The following DISP1 variants were observed in gnomAD, a reference collection of about 807,000 sequenced individuals.
DISP1 encodes dispatched RND transporter family member 1, also known as protein dispatched homolog 1.
A neutral mutation model predicts 37.3 loss-of-function variants in DISP1; 30 were observed. The ratio of observed to expected loss-of-function variants is 0.80; its 90% confidence interval spans 0.60 to 1.09. The LOEUF (loss-of-function observed/expected upper bound fraction) is 1.09, where lower values mean the gene tolerates loss of function less well. DISP1 is among the 50% of genes least tolerant of loss of function. The probability of loss-of-function intolerance (pLI) is 0.00; values close to 1 mark genes in which losing one functional copy is unlikely to be tolerated. For missense variants in DISP1, 1,598 were observed against 1,879.5 expected, an observed-to-expected ratio of 0.85 and a Z score of 2.77; for synonymous variants, 634 against 690.2, an observed-to-expected ratio of 0.92 and a Z score of 1.28.
chr1:222,918,860 A>G (rs114784763), intron 1 of DISP1, among the ~76,000 whole-genome samples: 2,780 of 152,352 alleles, frequency 0.018, 75 homozygotes, highest in African/African-American at 0.063. Flanking sequence ...CAGCTTGTGG[A>G]GCAGATGCTT....
At chr1:222,869,693 A>G (rs970370347) in intron 1 of DISP1, among the ~76,000 whole-genome samples, 5 of 152,180 alleles carry the variant, frequency 3.3e-5, no homozygotes, top group Admixed American at 2.6e-4. Context: ...TAAGATAATT[A>G]TAAAGAAAAA....
At chr1:222,946,053 T>G (rs1205185768) in intron 3 of DISP1, among the ~76,000 whole-genome samples, 1 of 151,978 alleles carries the variant, frequency 6.6e-6, no homozygotes, top group East Asian at 1.9e-4. Flanking sequence ...TGAAGGAAAT[T>G]TTTTATATTT....
At chr1:222,826,096 G>A (rs962736041) in intron 1 of DISP1, among the ~76,000 whole-genome samples, 4 of 152,056 alleles carry the variant, frequency 2.6e-5, no homozygotes, top group Non-Finnish European at 5.9e-5. Flanking sequence ...AGAGACAGAG[G>A]TCTCGTTTCA....
chr1:222,887,542 A>T (rs1412210831), intron 1 of DISP1, among the ~76,000 whole-genome samples: 4 of 85,324 alleles, frequency 4.7e-5, no homozygotes, highest in Non-Finnish European at 9.2e-5. Context: ...CCCAGGCCGG[A>T]CTGCGGACTG....
At chr1:222,822,523 C>T (rs996301488) in intron 1 of DISP1, among the ~76,000 whole-genome samples, 1 of 152,068 alleles carries the variant, frequency 6.6e-6, no homozygotes, top group Non-Finnish European at 1.5e-5. Flanking sequence ...CCTGTAATTC[C>T]AACTGTTTTT....
At chr1:222,934,851 G>A (rs1468107879) in intron 2 of DISP1, among the ~76,000 whole-genome samples, 2 of 151,964 alleles carry the variant, frequency 1.3e-5, no homozygotes, top group African/African-American at 4.8e-5. Flanking sequence ...AAACAGTTTG[G>A]GAGTCATGAT....
chr1:222,827,641 T>A (rs1664753760), intron 1 of DISP1: 3 of 152,160 alleles, frequency 2.0e-5, no homozygotes, highest in Middle Eastern at 3.2e-3. Flanking sequence ...TTAATAATCA[T>A]TTTTTATTTC....
chr1:222,857,522 C>A (rs1046063163), intron 1 of DISP1, among the ~76,000 whole-genome samples: 3 of 152,142 alleles, frequency 2.0e-5, no homozygotes, highest in Admixed American at 2.0e-4. Flanking sequence ...GATCCTATAT[C>A]TAGAAAACCC....
At chr1:222,851,159 T>C (rs1339419995) in intron 1 of DISP1, among the ~76,000 whole-genome samples, 1 of 150,416 alleles carries the variant, frequency 6.6e-6, no homozygotes, top group Admixed American at 6.7e-5. Flanking sequence ...CTCCGCCTCC[T>C]GGGTTCCAGT....
chr1:222,922,845 A>G (rs1395131371), intron 1 of DISP1, among the ~76,000 whole-genome samples: 1 of 152,204 alleles, frequency 6.6e-6, no homozygotes, highest in African/African-American at 2.4e-5. Flanking sequence ...AGAAAATGGA[A>G]TAGAGGTTAA....
chr1:222,926,954 C>T (rs779951092), intron 1 of DISP1, among the ~76,000 whole-genome samples: 1 of 152,034 alleles, frequency 6.6e-6, no homozygotes, highest in African/African-American at 2.4e-5. Context: ...TGTGAAAGCA[C>T]CATGAGGATT....
chr1:222,988,800 T>G (rs1308071619), intron 4 of DISP1, among the ~76,000 whole-genome samples: 3 of 152,020 alleles, frequency 2.0e-5, no homozygotes, highest in African/African-American at 7.2e-5. Flanking sequence ...ACTACAGGCG[T>G]GTGCCACCAT....
intron 1 of DISP1, among the ~76,000 whole-genome samples, chr1:222,826,977 G>C (rs1664608227): frequency 6.6e-6 from 1 of 152,146 alleles, no homozygotes; most frequent in Non-Finnish European, 1.5e-5. Context: ...ATTAGAGTAT[G>C]TGTATATATT....
chr1:222,817,200 A>G (rs1661462993), intron 1 of DISP1, among the ~76,000 whole-genome samples: 2 of 152,222 alleles, frequency 1.3e-5, no homozygotes, highest in Non-Finnish European at 2.9e-5. Context: ...TAGGATTTAG[A>G]TGTATTTTAC....
intron 1 of DISP1, among the ~76,000 whole-genome samples, chr1:222,919,730 A>T (rs926135454): frequency 2.6e-5 from 4 of 152,224 alleles, no homozygotes; most frequent in African/African-American, 9.6e-5. Flanking sequence ...ACGTGTTTTC[A>T]ACATATAAAA....
chr1:222,938,081 C>T (rs1378052256), intron 2 of DISP1, among the ~76,000 whole-genome samples: 1 of 152,048 alleles, frequency 6.6e-6, no homozygotes, highest in Non-Finnish European at 1.5e-5. Flanking sequence ...ACTATATTTT[C>T]AGGCTTGTCT....
chr1:222,977,934 A>C (rs1268759588), intron 3 of DISP1, among the ~76,000 whole-genome samples: 1 of 152,158 alleles, frequency 6.6e-6, no homozygotes, highest in Non-Finnish European at 1.5e-5. Context: ...CCAGTCTATC[A>C]TTGATGGACA....
chr1:222,851,684 T>C (rs1464603974), intron 1 of DISP1, among the ~76,000 whole-genome samples: 1 of 152,208 alleles, frequency 6.6e-6, no homozygotes, highest in East Asian at 1.9e-4. Flanking sequence ...TTTAAAACTT[T>C]TTTTGCATTG....
chr1:222,818,793 A>G (rs1439737667), intron 1 of DISP1, among the ~76,000 whole-genome samples: 1 of 152,238 alleles, frequency 6.6e-6, no homozygotes, highest in Non-Finnish European at 1.5e-5. Flanking sequence ...CATCTACAAA[A>G]TATGTTTATA....
Sources: allele counts gnomAD v4.1 joint callset (sites outside exome capture counted in the v4.1 genomes callset), GRCh38; gene constraint gnomAD v4.1.1; transcripts MANE v1.5; gene names NCBI Gene and HGNC (gene_info 2026-07-23, HGNC 2026-07-21).